Variants in PHKA1 observed in about 807,000 individuals in gnomAD.
PHKA1 encodes the protein phosphorylase b kinase regulatory subunit alpha, skeletal muscle isoform.
In PHKA1, 60 loss-of-function variants were observed where a neutral mutation model predicts 110.2. The observed-to-expected ratio is 0.54, with a 90% confidence interval of 0.44 to 0.68. The LOEUF (loss-of-function observed/expected upper bound fraction) is 0.68. Ranked by LOEUF, PHKA1 falls within the 30% of genes least tolerant of loss-of-function variation. The pLI is 0.00. For missense variants in PHKA1, 801 were observed against 942.5 expected (o/e 0.85, Z 1.97); for synonymous variants, 316 against 333.6 (o/e 0.95, Z 0.58).
chrX:72,648,146 G>A (rs1166859079), intron 13 of PHKA1, among the ~76,000 whole-genome samples: 1 of 111,923 alleles, frequency 8.9e-6, no homozygotes, highest in Non-Finnish European at 1.9e-5. Flanking sequence ...GAACATGTCA[G>A]TAGACTAAAC....
In PHKA1 at chrX:72,616,660, T is replaced by C. The variant is rs144762477; in HGVS notation, c.2369+2050A>G. On this transcript the variant is annotated intron_variant, in intron 21 of 31. Coordinates refer to ENST00000373542, the MANE Select transcript of PHKA1 (RefSeq NM_002637.4). ...TGCACACTAGACCAAATGGACCTAA[T>C]TGATATTTACAGAACATTCCATCCA... Among the ~76,000 whole-genome samples, 459 of 111,775 alleles carry C rather than the reference T, an allele frequency of 4.1e-3. 2 individuals carry two copies. Among genetic ancestry groups the C allele is most frequent in the Non-Finnish European group, 6.7e-3 (357 of 53,127 alleles).
rs1164416043 is a variant in PHKA1, at chrX:72,682,934, TAAAAAAAA to T, written c.537+1556_537+1563del. ...AAGAATTATCAATAAAAAAATAAAT[TAAAAAAAA>T]AAAAAAAAAAAAAAAAGAAAGTTTT... On this transcript the variant is annotated intron_variant, in intron 5 of 31. Coordinates refer to ENST00000373542, the MANE Select transcript of PHKA1 (RefSeq NM_002637.4). Among the ~76,000 whole-genome samples the T allele has an allele frequency of 9.4e-5, 6 of 63,857 alleles. No individual in the cohort carries two copies. In the East Asian group the frequency reaches 1.8e-3, roughly 19 times the overall value. 55.5% of individuals were successfully genotyped at this position (63,857 alleles called of 115,157 possible).
chrX:72,675,206 TAATA>T (rs782156045), intron 6 of PHKA1, among the ~76,000 whole-genome samples: 11 of 104,127 alleles, frequency 1.1e-4, no homozygotes, highest in East Asian at 5.9e-4. Context: ...ATAATAATAA[TAATA>T]AATAAATAAA....
intron 13 of PHKA1, among the ~76,000 whole-genome samples, chrX:72,645,607 T>A (rs918030782): frequency 8.9e-6 from 1 of 111,864 alleles, no homozygotes; most frequent in Admixed American, 9.5e-5. Context: ...AGAGGAAGAA[T>A]GATAGGGGGC....
At chrX:72,650,552 T>C (rs1232876851) in intron 12 of PHKA1, 84 bp from the exon 13 acceptor site, 4 of 732,875 alleles carry the variant, frequency 5.5e-6, no homozygotes, top group Non-Finnish European at 8.4e-6. Context: ...CCTATGCCCA[T>C]AACCTTGCAC....
Position 72,591,789 on chromosome X carries a change from T to C in PHKA1, c.3243+1315A>G, listed in dbSNP as rs781917294. On this transcript the variant is annotated intron_variant, in intron 29 of 31. Transcript: ENST00000373542. ...ATTTTAATTACTGTACACTGCATGT[T>C]GTATATGAGAGATATTGGTTTATGA... is the stretch of plus-strand genomic sequence containing the variant. 2.7e-5 allele frequency among the ~76,000 whole-genome samples: 3 copies of C among 112,443 alleles called. No homozygotes were observed. In the East Asian group the frequency reaches 8.3e-4, roughly 31 times the overall value.
Position 72,623,110 on chromosome X carries a change from A to G in PHKA1, c.1959T>C (p.His653=). Residue 653 remains histidine (H), a splice_region_variant and synonymous_variant, in exon 18 of 32, where the codon CAT becomes CAC. Coordinates refer to ENST00000373542, the MANE Select transcript of PHKA1 (RefSeq NM_002637.4). ...CAGTGCTTTATGAAGCCTCCTTACC[A>G]TGACTGGTTGAATCATAATCATTCA... ...NWMNDYDSTS[H]ARCGDEVARY... 2.5e-6 allele frequency: 3 copies of G among 1,211,177 alleles called. No individual in the cohort carries two copies. Among genetic ancestry groups the G allele is most frequent in the Non-Finnish European group, 3.4e-6 (3 of 895,087 alleles).
rs1394529135 is a variant in PHKA1 at position 72,681,466 on chromosome X, C to T, written c.537+3032G>A. 4.9e-3 allele frequency among the ~76,000 whole-genome samples: 461 copies of T among 93,873 alleles called. 1 individual carries two copies. In the East Asian group the frequency reaches 0.098, roughly 20 times the overall value. 81.5% of individuals were successfully genotyped at this position (93,873 alleles called of 115,157 possible). A position where few individuals can be genotyped will look rare whatever the true frequency, so the allele number is the denominator to read the frequency against. ...AGGTGGGGGGGTCAGCCCCCCCGCC[C>T]GGCCAGCCGTGCCATCCGGGAGGGA... On this transcript the variant is annotated intron_variant, in intron 5 of 31. Coordinates refer to ENST00000373542, the MANE Select transcript of PHKA1 (RefSeq NM_002637.4).
chrX:72,582,627 C>T (rs1048979234), intron 30 of PHKA1, 29 bp from the exon 31 acceptor site: 2 of 973,305 alleles, frequency 2.1e-6, no homozygotes, highest in Admixed American at 4.6e-5. Context: ...AAATCACTTC[C>T]TAAGAGTCCA....
In PHKA1 at chrX:72,647,855, G is replaced by A. The variant is rs189215158; in HGVS notation, c.1324+2535C>T. ...AATAGTTAGGGGGCAAAGAAGAAGA[G>A]GAAGACCAGAATGAGAAAGAAATGT... On this transcript the variant is annotated intron_variant, in intron 13 of 31. Coordinates refer to ENST00000373542, the MANE Select transcript of PHKA1 (RefSeq NM_002637.4). Among the ~76,000 whole-genome samples the A allele has an allele frequency of 9.9e-5, 11 of 111,610 alleles. No individual in the cohort carries two copies. In the East Asian group the frequency reaches 2.8e-3, roughly 29 times the overall value.
rs782051730 is a variant in PHKA1 at position 72,619,281 on chromosome X, T to C, written c.2162A>G (p.Lys721Arg). 6.8e-6 allele frequency: 8 copies of C among 1,181,937 alleles called. No individual in the cohort carries two copies. Among genetic ancestry groups the C allele is most frequent in the Non-Finnish European group, 9.2e-6 (8 of 870,235 alleles). The change falls in exon 20 of 32, where the codon AAG becomes AGG. Residue 721 changes from lysine to arginine, a missense_variant. Around this residue, in one of 2 missense-constraint regions of PHKA1, gnomAD observed 502 missense variants for 519.2 expected, o/e 0.97. Transcript: ENST00000373542. ...VQNVHMYLPT[K>R]LFQASRPSFN... ...TGAAGGCCGGGAAGCCTGAAATAAC[T>C]TCGTAGGAAGATACATGTGAACATC...
At position 72,636,401 on chromosome X, in the gene PHKA1, A is replaced by T. The variant is rs370057530; in HGVS notation, c.1460-15T>A. ...ATTGTTGCATCCTGATACAGAATTGAGAAATGGTAAAAATATTTCTAGAGC... is the reference window on the plus strand; with the variant it reads ...ATTGTTGCATCCTGATACAGAATTGTGAAATGGTAAAAATATTTCTAGAGC... On this transcript the variant is annotated splice_polypyrimidine_tract_variant and intron_variant, in intron 14 of 31. Coordinates refer to ENST00000373542, the MANE Select transcript of PHKA1 (RefSeq NM_002637.4). 1.1e-5 allele frequency: 11 copies of T among 987,685 alleles called. No homozygotes were observed. In the African/African-American group the frequency reaches 1.7e-4, roughly 15 times the overall value. The allele number at this position is 987,685 out of a possible 1,213,427, so 81.4% of individuals were successfully genotyped here.
rs1259234066 is a variant in PHKA1 at position 72,609,680 on chromosome X, G to A, written c.2550C>T (p.His850=). 5 of 1,202,851 alleles carry A rather than the reference G, an allele frequency of 4.2e-6. No individual in the cohort carries two copies. Among genetic ancestry groups the A allele is most frequent in the Non-Finnish European group, 5.6e-6 (5 of 887,441 alleles). ...GAAGTCCTACTGTCAAATGTTTCTG[G>A]TGGGAGAGAAGGTCTGTGCAGGCCT... ...LDEACTDLLS[H]QKHLTVGLPP... is the part of the protein sequence containing the mutation. Residue 850 remains histidine (H), a synonymous_variant, in exon 23 of 32, where the codon CAC becomes CAT. Transcript: ENST00000373542.
chrX:72,636,797 C>T (rs1314120042), intron 14 of PHKA1, among the ~76,000 whole-genome samples: 1 of 112,137 alleles, frequency 8.9e-6, no homozygotes, highest in African/African-American at 3.2e-5. Flanking sequence ...AGGACTACTA[C>T]TTTTTTATTT....
intron 30 of PHKA1, among the ~76,000 whole-genome samples, chrX:72,583,667 T>C (rs1213237557): frequency 8.9e-6 from 1 of 112,667 alleles, no homozygotes; most frequent in Non-Finnish European, 1.9e-5. Context: ...GTTTTTATAA[T>C]TTCTGTGTAG....
intron 6 of PHKA1, among the ~76,000 whole-genome samples, chrX:72,669,158 T>C (rs1450979057): frequency 9.0e-6 from 1 of 111,177 alleles, no homozygotes; most frequent in Non-Finnish European, 1.9e-5. Flanking sequence ...TCTGAAGCTT[T>C]CTCAGGCAGA....
chrX:72,693,444 C>A (rs1328375987), intron 4 of PHKA1, among the ~76,000 whole-genome samples: 1 of 112,069 alleles, frequency 8.9e-6, no homozygotes, highest in East Asian at 2.8e-4. Context: ...TTACAGCCTG[C>A]CTCTCTCCCC....
Position 72,652,589 on chromosome X carries a change from G to T in PHKA1, c.1200C>A (p.His400Gln). 1 of 1,196,477 alleles carries T rather than the reference G, an allele frequency of 8.4e-7. No homozygotes were observed. The highest frequency in any genetic ancestry group is 1.8e-5 in the South Asian group (1 of 56,481). ...AAATGTATAGAGACTGACCCCACAT[G>T]TGAGGCAATTTCCCCATGGGGACTC... ...VDRVPMGKLPHMWGQSLYILG... is the reference protein window; with the variant it reads ...VDRVPMGKLPQMWGQSLYILG... Residue 400 changes from histidine (H) to glutamine (Q), a missense_variant, in exon 12 of 32, where the codon CAC becomes CAA. Transcript: ENST00000373542.
intron 5 of PHKA1, among the ~76,000 whole-genome samples, chrX:72,681,324 C>A (rs1482121950): frequency 5.6e-4 from 62 of 111,171 alleles, no homozygotes; most frequent in South Asian, 2.6e-3. Context: ...AGCCCCTCCG[C>A]CCGGCAGCTG....
Sources: allele counts gnomAD v4.1 joint callset (sites outside exome capture counted in the v4.1 genomes callset), GRCh38; gene constraint gnomAD v4.1.1; regional missense constraint gnomAD v4.1.1; transcripts MANE v1.5; gene names NCBI Gene and HGNC (gene_info 2026-07-23, HGNC 2026-07-21).